The following VAMP4 variants were observed in gnomAD, a reference collection of about 807,000 sequenced individuals.
VAMP4 encodes the protein vesicle associated membrane protein 4.
A neutral mutation model predicts 23.5 loss-of-function variants in VAMP4; 19 were observed. That is an observed-to-expected ratio of 0.81 (90% CI 0.56 to 1.19). The LOEUF (loss-of-function observed/expected upper bound fraction) is 1.19. Among genes scored for constraint, VAMP4 ranks in the 50% most tolerant of loss-of-function variants. VAMP4 has a pLI of 0.00. For synonymous variants in VAMP4, 31 were observed against 51.0 expected, an observed-to-expected ratio of 0.61 and a Z score of 1.67; for missense variants, 145 against 168.6, an observed-to-expected ratio of 0.86 and a Z score of 0.78.
chr1:171,704,873 C>T (rs1654599740), intron 7 of VAMP4, among the ~76,000 whole-genome samples: 1 of 151,890 alleles, frequency 6.6e-6, no homozygotes, highest in African/African-American at 2.4e-5. Flanking sequence ...TTTTAAAAAA[C>T]ATGCTTGTAT....
At chr1:171,732,476 A>C (rs1655595645) in intron 2 of VAMP4, among the ~76,000 whole-genome samples, 1 of 152,196 alleles carries the variant, frequency 6.6e-6, no homozygotes, top group African/African-American at 2.4e-5. Context: ...ATTTGAGGTT[A>C]GAGTGAGCTA....
chr1:171,707,244 T>C (rs868256117), intron 6 of VAMP4, among the ~76,000 whole-genome samples: 4 of 152,202 alleles, frequency 2.6e-5, no homozygotes, highest in African/African-American at 9.6e-5. Context: ...CTATGGATAA[T>C]TTTATTAACT....
chr1:171,713,624 G>C (rs1457626171), intron 4 of VAMP4, among the ~76,000 whole-genome samples: 1 of 152,052 alleles, frequency 6.6e-6, no homozygotes, highest in African/African-American at 2.4e-5. Flanking sequence ...CCTGAGCCTG[G>C]GAGTTTGAGA....
At chr1:171,733,224 G>A (rs562035778) in intron 2 of VAMP4, among the ~76,000 whole-genome samples, 1 of 146,796 alleles carries the variant, frequency 6.8e-6, no homozygotes, top group East Asian at 2.0e-4. Context: ...TTGGGAAGAT[G>A]AGGAGGGAGG....
At position 171,700,574 on chromosome 1, in the gene VAMP4, G is replaced by A. The variant is rs1333420836; in HGVS notation, c.*3932C>T. On this transcript the variant is annotated 3_prime_UTR_variant, in exon 8 of 8. Coordinates refer to ENST00000236192, the MANE Select transcript of VAMP4 (RefSeq NM_003762.5). ...AAAGAACCTAATGGAATACCATAAA[G>A]CCAGAGTTTTTCCACACCCAATTAC... 2 of 152,106 alleles carry A rather than the reference G, an allele frequency of 1.3e-5. No individual in the cohort carries two copies. The highest frequency in any genetic ancestry group is 2.9e-5 in the Non-Finnish European group (2 of 68,016). 9.4% of individuals were successfully genotyped at this position (152,106 alleles called of 1,614,324 possible). A position where few individuals can be genotyped will look rare whatever the true frequency, so the allele number is the denominator to read the frequency against.
At chr1:171,738,015 G>T (rs1655797301) in intron 2 of VAMP4, among the ~76,000 whole-genome samples, 1 of 152,138 alleles carries the variant, frequency 6.6e-6, no homozygotes, top group African/African-American at 2.4e-5. Flanking sequence ...TTGCTCTGTT[G>T]CTCAGGCTGG....
chr1:171,719,150 A>C (rs1218726681), intron 4 of VAMP4, 21 bp downstream of exon 4: 7 of 1,604,980 alleles, frequency 4.4e-6, no homozygotes, highest in Non-Finnish European at 5.1e-6. Context: ...ATTATCATTT[A>C]AACAAATGAA....
rs1558103761 is a variant in VAMP4, at chr1:171,703,449, A to ATATATATG, written c.*1056_*1057insCATATATA. The ATATATATG allele has an allele frequency of 1.2e-3, 140 of 112,022 alleles. 2 individuals are homozygous for ATATATATG. Among genetic ancestry groups the ATATATATG allele is most frequent in the African/African-American group, 4.6e-3 (134 of 28,864 alleles). The allele number at this position is 112,022 out of a possible 1,614,324, so 6.9% of individuals were successfully genotyped here. A position where few individuals can be genotyped will look rare whatever the true frequency, so the allele number is the denominator to read the frequency against. ...TGTATATATATATATATATATATAT[A>ATATATATG]TATATATATATATATATATACACAT... On this transcript the variant is annotated 3_prime_UTR_variant, in exon 8 of 8. Coordinates refer to ENST00000236192, the MANE Select transcript of VAMP4 (RefSeq NM_003762.5).
intron 5 of VAMP4, 52 bp from the exon 6 acceptor site, chr1:171,709,796 T>G: frequency 7.4e-7 from 1 of 1,353,936 alleles, no homozygotes; most frequent in Non-Finnish European, 1.1e-6. Context: ...ACAGGATTCT[T>G]TTATCTAGTC....
In VAMP4 at chr1:171,718,387, C is replaced by T. The variant is rs1655085927; in HGVS notation, c.164+784G>A. Among the ~76,000 whole-genome samples the T allele has an allele frequency of 4.6e-5, 7 of 152,148 alleles. No individual in the cohort carries two copies. In the South Asian group the frequency reaches 1.4e-3, roughly 32 times the overall value. ...TCTTGAACCTGGGCCATGCAGTTCA[C>T]ATTCCACAGTTAGTCTTTACAGCTT... On this transcript the variant is annotated intron_variant, in intron 4 of 7. Transcript: ENST00000236192.
At chr1:171,711,247 C>G (rs756840561) in intron 4 of VAMP4, among the ~76,000 whole-genome samples, 3 of 152,106 alleles carry the variant, frequency 2.0e-5, no homozygotes, top group Non-Finnish European at 4.4e-5. Flanking sequence ...GGTACCTTAA[C>G]ATACTTTTTA....
chr1:171,736,910 G>A (rs1172427684), intron 2 of VAMP4, among the ~76,000 whole-genome samples: 1 of 152,146 alleles, frequency 6.6e-6, no homozygotes, highest in Non-Finnish European at 1.5e-5. Context: ...CCAAAAGGTG[G>A]AGGCTGCAGT....
intron 4 of VAMP4, among the ~76,000 whole-genome samples, chr1:171,711,905 A>C (rs914442757): frequency 1.9e-4 from 29 of 152,124 alleles, no homozygotes; most frequent in African/African-American, 6.5e-4. Context: ...CATGTTTTCT[A>C]CGTTTAGATA....
chr1:171,722,557 A>G (rs1328800236), intron 3 of VAMP4, among the ~76,000 whole-genome samples: 2 of 152,224 alleles, frequency 1.3e-5, no homozygotes, highest in Non-Finnish European at 2.9e-5. Flanking sequence ...AGAAATTTAC[A>G]AGAAAAAATC....
rs1330620854 is a variant in VAMP4, at chr1:171,703,425, G to GTGTATATATATATA, written c.*1080_*1081insTATATATATATACA. On this transcript the variant is annotated 3_prime_UTR_variant, in exon 8 of 8. Transcript: ENST00000236192. ...TGTGTGTGTGTGTGTGTGTTTGTGTGTATATATATATATATATATATATAT... is the reference window on the plus strand; with the variant it reads ...TGTGTGTGTGTGTGTGTGTTTGTGTGTGTATATATATATATATATATATATATATATATATATAT... The GTGTATATATATATA allele has an allele frequency of 6.2e-5, 5 of 80,670 alleles. No individual in the cohort carries two copies. Among genetic ancestry groups the GTGTATATATATATA allele is most frequent in the African/African-American group, 1.4e-4 (3 of 20,964 alleles). 5.0% of individuals were successfully genotyped at this position (80,670 alleles called of 1,614,324 possible).
chr1:171,721,625 G>A (rs1030111575), intron 3 of VAMP4, among the ~76,000 whole-genome samples: 2 of 152,044 alleles, frequency 1.3e-5, no homozygotes, highest in African/African-American at 4.8e-5. Flanking sequence ...CAAACAGAAA[G>A]CCAAATCATG....
chr1:171,741,028 A>T (rs549981653), intron 1 of VAMP4, among the ~76,000 whole-genome samples: 2 of 152,360 alleles, frequency 1.3e-5, no homozygotes, highest in Admixed American at 1.3e-4. Context: ...TAGTCTGCCT[A>T]AGATTTCTCC....
Position 171,704,293 on chromosome 1 carries a change from CTT to C in VAMP4, c.*211_*212del, listed in dbSNP as rs1654576325. 1 of 355,462 alleles carries C rather than the reference CTT, an allele frequency of 2.8e-6. No individual in the cohort carries two copies. Among genetic ancestry groups the C allele is most frequent in the African/African-American group, 2.1e-5 (1 of 47,310 alleles). The allele number at this position is 355,462 out of a possible 1,614,324, so 22.0% of individuals were successfully genotyped here. On this transcript the variant is annotated 3_prime_UTR_variant, in exon 8 of 8. Coordinates refer to ENST00000236192, the MANE Select transcript of VAMP4 (RefSeq NM_003762.5). ...ATATGGAAAAATAGAGGCTAGTTCT[CTT>C]TGCCTTAAACATAATTATTAAAAGA...
chr1:171,725,750 G>A (rs113422163), intron 3 of VAMP4, among the ~76,000 whole-genome samples: 10,053 of 151,692 alleles, frequency 0.066, 468 homozygotes, highest in African/African-American at 0.13. Flanking sequence ...GAATGCAGTG[G>A]CGTGATCTTG....
Sources: allele counts gnomAD v4.1 joint callset (sites outside exome capture counted in the v4.1 genomes callset), GRCh38; gene constraint gnomAD v4.1.1; transcripts MANE v1.5; gene names NCBI Gene and HGNC (gene_info 2026-07-23, HGNC 2026-07-21).